Variants in SPATA21 observed in about 807,000 individuals in gnomAD.
The protein encoded by SPATA21 is spermatogenesis associated 21.
In SPATA21, 47 loss-of-function variants were observed where a neutral mutation model predicts 54.8. The observed-to-expected ratio is 0.86, with a 90% CI of 0.68 to 1.09. SPATA21 has a LOEUF of 1.09. Among genes scored for constraint, SPATA21 ranks in the 50% least tolerant of loss-of-function variants. The pLI is 0.00. For synonymous variants in SPATA21, 245 were observed against 235.3 expected (o/e 1.04, Z -0.38); for missense variants, 599 against 596.4 (o/e 1.00, Z -0.05).
At chr1:16,412,121 C>G (rs528524936) in intron 5 of SPATA21, among the ~76,000 whole-genome samples, 62 of 152,294 alleles carry the variant, frequency 4.1e-4, no homozygotes, top group Middle Eastern at 3.4e-3. Context: ...CTGGCTCCCC[C>G]TCACTTGTGC....
rs1321632360 is a variant in SPATA21, at chr1:16,425,570, T to C, written c.35-3599A>G. The C allele has an allele frequency of 1.6e-5, 25 of 1,549,842 alleles. 1 individual carries two copies. In the Middle Eastern group the frequency reaches 1.3e-3, roughly 78 times the overall value. On this transcript the variant is annotated intron_variant, in intron 3 of 12. Coordinates refer to ENST00000335496, the MANE Select transcript of SPATA21 (RefSeq NM_198546.1). The stretch of plus-strand genomic sequence containing the variant: ...ATCCTCCCCGATTCCCCGGTTCCGT[T>C]GCCTCCCCTGCTGGCCCTTGATCTC...
rs149412454 is a variant in SPATA21, at chr1:16,400,892, G to C, written c.1002C>G (p.Asn334Lys). 1.8e-5 allele frequency: 29 copies of C among 1,611,388 alleles called. No individual in the cohort carries two copies. In the African/African-American group the frequency reaches 3.2e-4, roughly 18 times the overall value. The change falls in exon 11 of 13, where the codon AAC (asparagine) becomes AAG (lysine). Residue 334 changes from asparagine to lysine, a missense_variant and splice_region_variant. Physicochemically the swap from Asn to Lys is moderately conservative, Grantham distance 94. Transcript: ENST00000335496. ...LPEAVLEEIT[N>K]YYQKKLKEGT... ...CTTCCTTCAGCTTTTTCTGGTAGTA[G>C]CTGGGGAGGCAGTGCCCACCCATCT...
chr1:16,421,672 C>G lies in SPATA21; in HGVS notation c.96-115G>C, dbSNP rs2086176754. On this transcript the variant is annotated intron_variant, in intron 4 of 12. Transcript: ENST00000335496. The surrounding 1 kb of genome is among the most constrained non-coding windows in gnomAD (Gnocchi z 5.2). ...TTCCACCCCAGCCTCATCCCCTTGG[C>G]CTTCTCATCTCAGGGGGCTCCTTAT... The G allele has an allele frequency of 1.6e-6, 2 of 1,219,508 alleles. No individual in the cohort carries two copies. Among genetic ancestry groups the G allele is most frequent in the African/African-American group, 1.5e-5 (1 of 65,998 alleles). The allele number at this position is 1,219,508 out of a possible 1,614,324, so 75.5% of individuals were successfully genotyped here.
rs970834672 is a variant in SPATA21, at chr1:16,409,171, AG to A, written c.619del (p.Leu207PhefsTer12). On this transcript the variant is annotated frameshift_variant, in exon 7 of 13. Transcript: ENST00000335496. LOFTEE classifies it high-confidence loss of function. The surrounding 1 kb of genome is among the most constrained non-coding windows in gnomAD (Gnocchi z 4.1). ...CTCGGACTTCTCCCGGTTTTGATAA[AG>A]CTTTTGGAGGCTCTGCTCTTCCGGC... ...QEPEEQSLQK[L>X]YQNREKSEEQ... 6.2e-7 allele frequency: 1 copy of A among 1,614,070 alleles called. No homozygotes were observed.
chr1:16,404,273 C>G lies in SPATA21; in HGVS notation c.812-234G>C, dbSNP rs114691830. Among the ~76,000 whole-genome samples, 912 of 152,178 alleles carry G rather than the reference C, an allele frequency of 6.0e-3. 10 individuals are homozygous for G. The highest frequency in any genetic ancestry group is 0.021 in the African/African-American group (865 of 41,506). On this transcript the variant is annotated intron_variant, in intron 8 of 12. Transcript: ENST00000335496. ...TCACCTGAGGTCAGGAGTTCGAGAC[C>G]TACATGGCCAACATGGTGAAATCCC...
intron 12 of SPATA21, among the ~76,000 whole-genome samples, 170 bp downstream of exon 12, chr1:16,399,174 G>T (rs1333482803): frequency 2.0e-5 from 3 of 152,226 alleles, no homozygotes; most frequent in Non-Finnish European, 4.4e-5. Flanking sequence ...GGGTACACAG[G>T]CCCTCAACAA....
rs1302462725 is a variant in SPATA21, at chr1:16,398,733, G to A, written c.*32C>T. The A allele has an allele frequency of 1.9e-6, 3 of 1,613,416 alleles. No homozygotes were observed. Among genetic ancestry groups the A allele is most frequent in the Non-Finnish European group, 2.5e-6 (3 of 1,179,454 alleles). ...GGTGGCCCATCTGTCTACAGGCCTTGAGCAGCTGCCTAGAGTCAGGCCTCC... is the reference window on the plus strand; with the variant it reads ...GGTGGCCCATCTGTCTACAGGCCTTAAGCAGCTGCCTAGAGTCAGGCCTCC... On this transcript the variant is annotated 3_prime_UTR_variant, in exon 13 of 13. Coordinates refer to ENST00000335496, the MANE Select transcript of SPATA21 (RefSeq NM_198546.1).
chr1:16,429,266 G>C (rs920281100), intron 3 of SPATA21, among the ~76,000 whole-genome samples: 2 of 151,228 alleles, frequency 1.3e-5, no homozygotes, highest in African/African-American at 4.9e-5. Context: ...GCCTCCCTAA[G>C]AGCTGGGATC....
rs2086176085 is a variant in SPATA21, at chr1:16,421,649, CCACCCCAGCCT to C, written c.96-103_96-93del. On this transcript the variant is annotated intron_variant, in intron 4 of 12. Coordinates refer to ENST00000335496, the MANE Select transcript of SPATA21 (RefSeq NM_198546.1). This position sits in a 1 kb window ranked among gnomAD's most constrained non-coding sequence, Gnocchi z 5.2. The stretch of plus-strand genomic sequence containing the variant: ...CTCTCAGCCCCCAGGACACTCAGTT[CCACCCCAGCCT>C]CATCCCCTTGGCCTTCTCATCTCAG... 2.2e-5 allele frequency: 30 copies of C among 1,348,950 alleles called. No homozygotes were observed. Among genetic ancestry groups the C allele is most frequent in the Non-Finnish European group, 2.9e-5 (28 of 975,898 alleles). 83.6% of individuals were successfully genotyped at this position (1,348,950 alleles called of 1,614,324 possible).
At chr1:16,410,628 C>T (rs2085812353) in intron 5 of SPATA21, 1 of 186,914 alleles carries the variant, frequency 5.4e-6, no homozygotes, top group Non-Finnish European at 1.1e-5. Flanking sequence ...CCAGGCTGGT[C>T]TCCAACTCCT....
chr1:16,431,762 G>A (rs934324945), intron 2 of SPATA21, among the ~76,000 whole-genome samples: 1 of 152,166 alleles, frequency 6.6e-6, no homozygotes, highest in African/African-American at 2.4e-5. Flanking sequence ...TTCCTACAGG[G>A]TATTCTTTGG....
chr1:16,398,313 C>T (rs904795843), downstream of SPATA21, among the ~76,000 whole-genome samples: 2 of 152,042 alleles, frequency 1.3e-5, no homozygotes, highest in African/African-American at 4.8e-5. Flanking sequence ...CTTGGGGCTC[C>T]CAGAGAATGA....
chr1:16,427,443 T>C (rs778166561), intron 3 of SPATA21, among the ~76,000 whole-genome samples: 1 of 152,194 alleles, frequency 6.6e-6, no homozygotes, highest in Non-Finnish European at 1.5e-5. Context: ...ACATTCTTGC[T>C]GTAGAAAAGT....
At chr1:16,405,533 C>T (rs1236486486) in intron 7 of SPATA21, among the ~76,000 whole-genome samples, 4 of 148,912 alleles carry the variant, frequency 2.7e-5, no homozygotes, top group African/African-American at 5.0e-5. Flanking sequence ...TGGTGGTGTG[C>T]ACCTGTAGTC....
chr1:16,404,033 C>T lies in SPATA21; in HGVS notation c.818G>A (p.Gly273Asp). Residue 273 changes from glycine to aspartate, a missense_variant, in exon 9 of 13, where the codon GGT (glycine) becomes GAT (aspartate). Gly to Asp is a moderately conservative substitution (Grantham distance 94). Transcript: ENST00000335496. Reference protein sequence around the residue: ...ALMSADVNGDGRVDFKDFLAV... With the variant: ...ALMSADVNGDDRVDFKDFLAV... Reference sequence around the variant, plus strand: ...CAAGAAGTCTTTGAAGTCCACACGACCATCTCCTGTGGAGGCCAGAGGAGT... The same window carrying T: ...CAAGAAGTCTTTGAAGTCCACACGATCATCTCCTGTGGAGGCCAGAGGAGT... 1.3e-6 allele frequency: 2 copies of T among 1,554,500 alleles called. No individual in the cohort carries two copies. The highest frequency in any genetic ancestry group is 2.4e-5 in the South Asian group (2 of 84,440).
rs1455567501 is a variant in SPATA21 at position 16,403,859 on chromosome 1, T to C, written c.884-15A>G. The C allele has an allele frequency of 1.9e-6, 3 of 1,609,548 alleles. No individual in the cohort carries two copies. Among genetic ancestry groups the C allele is most frequent in the Non-Finnish European group, 2.5e-6 (3 of 1,177,284 alleles). ...GGCGTTCTGTTCTGGAGACATGGGA[T>C]AGTGGCTGCCGTTACCACTGGGCAG... On this transcript the variant is annotated splice_polypyrimidine_tract_variant and intron_variant, in intron 9 of 12. Transcript: ENST00000335496.
In SPATA21 at chr1:16,405,072, G is replaced by C. The variant is rs760196850; in HGVS notation, c.706C>G (p.Pro236Ala). The change falls in exon 8 of 13, where the codon CCT becomes GCT. Residue 236 changes from proline (P) to alanine (A), a missense_variant. Pro to Ala is a conservative substitution (Grantham distance 27, BLOSUM62 -1). Transcript: ENST00000335496. ...FRSYFEIFNG[P>A]GEVDAQSLKN... is the part of the protein sequence containing the mutation. ...AGGCTCTGTGCATCCACCTCACCAG[G>C]ACCATTGAAGATCTCAAAGTAGCTG... 4 of 1,609,908 alleles carry C rather than the reference G, an allele frequency of 2.5e-6. No homozygotes were observed. In the Admixed American group the frequency reaches 6.8e-5, roughly 27 times the overall value.
intron 5 of SPATA21, chr1:16,410,783 G>C (rs776056638): frequency 2.7e-6 from 1 of 373,728 alleles, no homozygotes; most frequent in South Asian, 2.0e-5. Flanking sequence ...CTGACCTCAA[G>C]TGATCCTCCG....
intron 3 of SPATA21, chr1:16,427,904 C>G: frequency 5.8e-6 from 9 of 1,550,188 alleles, no homozygotes; most frequent in Non-Finnish European, 7.8e-6. Flanking sequence ...ATTCTGAGCT[C>G]TGAAGGCCCC....
Sources: allele counts gnomAD v4.1 joint callset (sites outside exome capture counted in the v4.1 genomes callset), GRCh38; gene constraint gnomAD v4.1.1; non-coding constraint Gnocchi (gnomAD v3.1); transcripts MANE v1.5; gene names NCBI Gene and HGNC (gene_info 2026-07-23, HGNC 2026-07-21).